The following FBXO24 variants were observed in gnomAD, a reference collection of about 807,000 sequenced individuals.
FBXO24 encodes the protein F-box only protein 24.
In FBXO24, 30 loss-of-function variants were observed where a neutral mutation model predicts 63.5. The observed-to-expected ratio is 0.47, with a 90% CI of 0.35 to 0.64. FBXO24 has a LOEUF of 0.64. Ranked by LOEUF, FBXO24 falls within the 30% of genes least tolerant of loss-of-function variation. The pLI is 0.00. For synonymous variants in FBXO24, 300 were observed against 305.0 expected (o/e 0.98, Z 0.17); for missense variants, 624 against 763.4 (o/e 0.82, Z 2.15).
chr7:100,590,128 C>T (rs376373582), intron 2 of FBXO24, 46 bp from the exon 3 acceptor site: 16 of 1,607,038 alleles, frequency 1.0e-5, no homozygotes, highest in South Asian at 3.3e-5. Context: ...GCCAGATCAC[C>T]GAGGGGCCAC....
Position 100,600,641 on chromosome 7 carries a change from G to A in FBXO24, c.1485G>A (p.Arg495=), listed in dbSNP as rs751614035. 1.1e-5 allele frequency: 18 copies of A among 1,613,836 alleles called. No homozygotes were observed. The highest frequency in any genetic ancestry group is 1.5e-5 in the Non-Finnish European group (18 of 1,179,904). Residue 495 remains arginine (R), a synonymous_variant, in exon 10 of 10, where the codon AGG becomes AGA. Coordinates refer to ENST00000241071, the MANE Select transcript of FBXO24 (RefSeq NM_033506.3). This position sits in a 1 kb window ranked among gnomAD's most constrained non-coding sequence, Gnocchi z 6.3. ...CCTATCGCCACCTGCCAGCCAGCAGGGTGGTGGGGACTCCTGAGCCCAGCC... is the reference window on the plus strand; with the variant it reads ...CCTATCGCCACCTGCCAGCCAGCAGAGTGGTGGGGACTCCTGAGCCCAGCC... The part of the protein sequence containing the change: ...HAPYRHLPAS[R]VVGTPEPSLG...
intron 1 of FBXO24, chr7:100,589,616 G>C (rs1192614205): frequency 6.9e-7 from 1 of 1,455,730 alleles, no homozygotes; most frequent in Non-Finnish European, 9.1e-7. Flanking sequence ...GGGCCTCAGA[G>C]GTCCCCCAAG....
Position 100,600,503 on chromosome 7 carries a change from C to G in FBXO24, c.1378-31C>G, listed in dbSNP as rs1309545017. The G allele has an allele frequency of 1.3e-6, 2 of 1,525,408 alleles. No individual in the cohort carries two copies. Among genetic ancestry groups the G allele is most frequent in the South Asian group, 1.3e-5 (1 of 76,016 alleles). The allele number at this position is 1,525,408 out of a possible 1,614,324, so 94.5% of individuals were successfully genotyped here. A position where few individuals can be genotyped will look rare whatever the true frequency, so the allele number is the denominator to read the frequency against. On this transcript the variant is annotated intron_variant, in intron 9 of 9. Transcript: ENST00000241071. The surrounding 1 kb of genome is among the most constrained non-coding windows in gnomAD (Gnocchi z 6.3). Reference sequence around the variant, plus strand: ...GAAACCCTGCAAGGAAAGCACCACTCAGCCATGCCCCCTTTCTCTCCTCCT... The same window carrying G: ...GAAACCCTGCAAGGAAAGCACCACTGAGCCATGCCCCCTTTCTCTCCTCCT...
rs773153501 is a variant in FBXO24, at chr7:100,595,094, C to A, written c.953-8C>A. ...AAGCTGCTGAGCTGAGGGCTCCTGA[C>A]CCCCCAGACCAGGGGGGAGTGTATT... is the stretch of plus-strand genomic sequence containing the variant. On this transcript the variant is annotated splice_region_variant and splice_polypyrimidine_tract_variant and intron_variant, in intron 6 of 9. Transcript: ENST00000241071. 6.2e-7 allele frequency: 1 copy of A among 1,613,546 alleles called. No individual in the cohort carries two copies. Among genetic ancestry groups the A allele is most frequent in the South Asian group, 1.1e-5 (1 of 91,040 alleles).
rs1801940171 is a variant in FBXO24, at chr7:100,590,163, C to T, written c.139-11C>T. 2 of 1,611,692 alleles carry T rather than the reference C, an allele frequency of 1.2e-6. No homozygotes were observed. The highest frequency in any genetic ancestry group is 1.7e-6 in the Non-Finnish European group (2 of 1,178,282). On this transcript the variant is annotated splice_polypyrimidine_tract_variant and intron_variant, in intron 2 of 9. Coordinates refer to ENST00000241071, the MANE Select transcript of FBXO24 (RefSeq NM_033506.3). ...CCAAAGACTCCCCGCTTCTTCCCTC[C>T]TCCCTCCCAGGTGGAGCATATCATC...
At chr7:100,591,932 C>G (rs753698216) in intron 4 of FBXO24, 30 bp downstream of exon 4, 133 of 1,604,164 alleles carry the variant, frequency 8.3e-5, no homozygotes, top group Non-Finnish European at 9.9e-5. Context: ...CAGCTGAGAG[C>G]CCACCTGTAT....
Position 100,600,843 on chromosome 7 carries a change from CT to C in FBXO24, c.1688del (p.Leu563ArgfsTer11). The C allele has an allele frequency of 1.2e-6, 2 of 1,613,962 alleles. No homozygotes were observed. The highest frequency in any genetic ancestry group is 1.7e-6 in the Non-Finnish European group (2 of 1,179,906). On this transcript the variant is annotated frameshift_variant, in exon 10 of 10. Transcript: ENST00000241071. LOFTEE classifies it high-confidence loss of function. This position sits in a 1 kb window ranked among gnomAD's most constrained non-coding sequence, Gnocchi z 6.3. Reference sequence around the variant, plus strand: ...CTTCTTCTGGGAGGCCCTGGACATGCTGCAGAGGGCTGAAGGAGGCGGGGGT... The same window carrying C: ...CTTCTTCTGGGAGGCCCTGGACATGCGCAGAGGGCTGAAGGAGGCGGGGGT... ...KDFFWEALDM[L>X]QRAEGGGGGV...
chr7:100,588,520 A>G (rs1464911470), intron 1 of FBXO24, among the ~76,000 whole-genome samples: 1 of 152,110 alleles, frequency 6.6e-6, no homozygotes, highest in Non-Finnish European at 1.5e-5. Context: ...CAGTCAATGA[A>G]CGGATCTGTG....
chr7:100,587,807 C>T (rs1407372163), intron 1 of FBXO24, among the ~76,000 whole-genome samples: 7 of 151,330 alleles, frequency 4.6e-5, no homozygotes, highest in Non-Finnish European at 8.8e-5. Flanking sequence ...TGCTATGTTG[C>T]CCAGGCTGGT....
intron 8 of FBXO24, among the ~76,000 whole-genome samples, chr7:100,597,768 C>T (rs1186688414): frequency 6.6e-6 from 1 of 152,012 alleles, no homozygotes; most frequent in Admixed American, 6.6e-5. Context: ...GTGACACAAT[C>T]GTAGCTTGCT....
In FBXO24 at chr7:100,586,491, G is replaced by T. The variant is rs1222327369; in HGVS notation, c.-135G>T. The stretch of plus-strand genomic sequence containing the variant: ...CGGGCCGAGGGACCGCAAGCAGGGG[G>T]TGCCTAGTCCTCGTCCCCCAAAGAC... On this transcript the variant is annotated 5_prime_UTR_variant, in exon 1 of 10. Coordinates refer to ENST00000241071, the MANE Select transcript of FBXO24 (RefSeq NM_033506.3). 9 of 892,570 alleles carry T rather than the reference G, an allele frequency of 1.0e-5. No homozygotes were observed. Among genetic ancestry groups the T allele is most frequent in the South Asian group, 8.6e-5 (6 of 70,150 alleles). 55.3% of individuals were successfully genotyped at this position (892,570 alleles called of 1,614,324 possible). A position where few individuals can be genotyped will look rare whatever the true frequency, so the allele number is the denominator to read the frequency against.
chr7:100,596,990 C>T (rs943735259), intron 8 of FBXO24, among the ~76,000 whole-genome samples: 1 of 151,952 alleles, frequency 6.6e-6, no homozygotes, highest in African/African-American at 2.4e-5. Context: ...TGCGGTGAGC[C>T]GAGATCGTGC....
intron 8 of FBXO24, among the ~76,000 whole-genome samples, chr7:100,596,868 C>G (rs1802331917): frequency 6.6e-6 from 1 of 152,050 alleles, no homozygotes; most frequent in Admixed American, 6.6e-5. Flanking sequence ...CATGGTGAAA[C>G]CCTGTCTCTA....
In FBXO24 at chr7:100,586,710, C is replaced by G. The variant is rs1040322964; in HGVS notation, c.39+46C>G. 24 of 1,609,736 alleles carry G rather than the reference C, an allele frequency of 1.5e-5. No individual in the cohort carries two copies. The African/African-American group carries it at 1.9e-4, about 13-fold the overall frequency. On this transcript the variant is annotated intron_variant, in intron 1 of 9. Transcript: ENST00000241071. ...TGAGGTTAAGAATGAACGCGGAGCC[C>G]CTGGCCGGCCGGGAACGCAGTTCGC...
chr7:100,593,488 C>T (rs1037999854), intron 5 of FBXO24, among the ~76,000 whole-genome samples: 22 of 152,058 alleles, frequency 1.4e-4, no homozygotes, highest in African/African-American at 4.8e-4. Context: ...ATTAGCCAAG[C>T]GTGGTGGCGC....
At chr7:100,588,561 A>C (rs1246979477) in intron 1 of FBXO24, among the ~76,000 whole-genome samples, 1 of 152,192 alleles carries the variant, frequency 6.6e-6, no homozygotes, top group Non-Finnish European at 1.5e-5. Flanking sequence ...GTGGTCTGGC[A>C]GGATGGGACT....
chr7:100,600,341 G>A lies in FBXO24; in HGVS notation c.1377+140G>A, dbSNP rs1016758747. On this transcript the variant is annotated intron_variant, in intron 9 of 9. Coordinates refer to ENST00000241071, the MANE Select transcript of FBXO24 (RefSeq NM_033506.3). The surrounding 1 kb of genome is among the most constrained non-coding windows in gnomAD (Gnocchi z 6.3). ...CACCACCCCACCTCCCTCCTCTGCC[G>A]CACACCACGCTCTCTGCTTTCTCCC... 4.8e-5 allele frequency: 65 copies of A among 1,351,812 alleles called. No individual in the cohort carries two copies. The highest frequency in any genetic ancestry group is 6.0e-5 in the South Asian group (4 of 66,220). 83.7% of individuals were successfully genotyped at this position (1,351,812 alleles called of 1,614,324 possible).
rs1440577497 is a variant in FBXO24, at chr7:100,590,156, T to TTCCCTCC, written c.139-10_139-4dup. Reference sequence around the variant, plus strand: ...GGGGCCACCAAAGACTCCCCGCTTCTTCCCTCCTCCCTCCCAGGTGGAGCA... The same window carrying TTCCCTCC: ...GGGGCCACCAAAGACTCCCCGCTTCTTCCCTCCTCCCTCCTCCCTCCCAGGTGGAGCA... On this transcript the variant is annotated splice_polypyrimidine_tract_variant and intron_variant, in intron 2 of 9. Coordinates refer to ENST00000241071, the MANE Select transcript of FBXO24 (RefSeq NM_033506.3). The TTCCCTCC allele has an allele frequency of 3.1e-6, 5 of 1,611,088 alleles. No homozygotes were observed. The highest frequency in any genetic ancestry group is 3.3e-5 in the Admixed American group (2 of 59,864).
At chr7:100,589,668 G>C in intron 1 of FBXO24, 4 of 1,511,508 alleles carry the variant, frequency 2.6e-6, no homozygotes, top group Non-Finnish European at 3.6e-6. Flanking sequence ...GCAGGAACGG[G>C]GGGGCCAAGG....
Sources: allele counts gnomAD v4.1 joint callset (sites outside exome capture counted in the v4.1 genomes callset), GRCh38; gene constraint gnomAD v4.1.1; non-coding constraint Gnocchi (gnomAD v3.1); transcripts MANE v1.5; gene names NCBI Gene and HGNC (gene_info 2026-07-23, HGNC 2026-07-21).